UNC13C: variants seen among roughly 807,000 people sequenced by gnomAD.
UNC13C encodes the protein protein unc-13 homolog C.
Under a neutral mutation model 245.4 loss-of-function variants are expected in UNC13C, and 174 were observed. That is an observed-to-expected ratio of 0.71 (90% CI 0.63 to 0.80). The LOEUF is 0.80. UNC13C is among the 30% of genes least tolerant of loss of function. The pLI is 0.00. For synonymous variants in UNC13C, 992 were observed against 895.1 expected (o/e 1.11, Z -1.93); for missense variants, 2,829 against 2,602.9 (o/e 1.09, Z -1.89).
the UNC13C span, among the ~76,000 whole-genome samples, chr15:53,937,340 G>A: frequency 1.3e-5 from 2 of 151,994 alleles, no homozygotes; most frequent in African/African-American, 4.8e-5. Context: ...AGAGAAAAAA[G>A]AATTAAAAGG....
intron 2 of UNC13C, among the ~76,000 whole-genome samples, chr15:54,052,397 A>G (rs546920100): frequency 8.7e-5 from 13 of 149,456 alleles, no homozygotes; most frequent in African/African-American, 2.5e-4. Flanking sequence ...AAGTGTTCCT[A>G]TTTCTCCACA....
chr15:54,462,612 A>G (rs1891910712), intron 19 of UNC13C, among the ~76,000 whole-genome samples: 2 of 152,198 alleles, frequency 1.3e-5, no homozygotes, highest in South Asian at 4.1e-4. Context: ...GCAGCTGCGG[A>G]GGGGGCGCCG....
chr15:54,004,370 T>A (rs1895043540), intron 1 of UNC13C, among the ~76,000 whole-genome samples: 1 of 152,224 alleles, frequency 6.6e-6, no homozygotes. Flanking sequence ...AATAGTACTT[T>A]ATTATGTATA....
chr15:54,140,020 T>C (rs2031937977), intron 2 of UNC13C, among the ~76,000 whole-genome samples: 1 of 152,174 alleles, frequency 6.6e-6, no homozygotes. Context: ...AATTATATTT[T>C]GTGTTTCACT....
intron 2 of UNC13C, among the ~76,000 whole-genome samples, chr15:54,131,236 G>A (rs1243747433): frequency 6.6e-6 from 1 of 152,130 alleles, no homozygotes; most frequent in Non-Finnish European, 1.5e-5. Flanking sequence ...CTTCCATGTG[G>A]TATCTTATTT....
At chr15:53,899,943 C>G in the UNC13C span, among the ~76,000 whole-genome samples, 1 of 152,174 alleles carries the variant, frequency 6.6e-6, no homozygotes, top group South Asian at 2.1e-4. Flanking sequence ...ATCTCCCCAA[C>G]AGATAACTAC....
intron 17 of UNC13C, among the ~76,000 whole-genome samples, chr15:54,361,526 T>C (rs2140864659): frequency 6.6e-6 from 1 of 152,352 alleles, no homozygotes; most frequent in African/African-American, 2.4e-5. Flanking sequence ...CTTTGTTGTT[T>C]TCCTTTGGTG....
At chr15:54,392,994 T>C (rs1230732615) in intron 17 of UNC13C, 54 bp from the exon 18 acceptor site, 2 of 1,468,844 alleles carry the variant, frequency 1.4e-6, no homozygotes, top group Non-Finnish European at 1.8e-6. Flanking sequence ...GACATCTAAC[T>C]AAAGTCATCC....
At chr15:54,545,989 T>C (rs923867230) in intron 26 of UNC13C, among the ~76,000 whole-genome samples, 2 of 152,204 alleles carry the variant, frequency 1.3e-5, no homozygotes, top group Non-Finnish European at 2.9e-5. Context: ...CAAAGGATTA[T>C]AAATCATTCT....
chr15:54,102,975 C>T (rs1051780258), intron 2 of UNC13C, among the ~76,000 whole-genome samples: 4 of 152,100 alleles, frequency 2.6e-5, no homozygotes, highest in Admixed American at 2.0e-4. Flanking sequence ...TGGTGGCTGT[C>T]GTAGGTTAAT....
rs112249079 is a variant in UNC13C, at chr15:54,335,976, C to G, written c.4584+2120C>G. Among the ~76,000 whole-genome samples the G allele has an allele frequency of 5.8e-3, 876 of 152,018 alleles. 4 individuals are homozygous for G. Among genetic ancestry groups the G allele is most frequent in the African/African-American group, 0.02 (836 of 41,492 alleles). On this transcript the variant is annotated intron_variant, in intron 16 of 32. Transcript: ENST00000260323. The stretch of plus-strand genomic sequence containing the variant: ...TGTATGTATGTATATATTTCTTATT[C>G]TAGTAGAAGTGACGTTGCATTATCT...
intron 4 of UNC13C, among the ~76,000 whole-genome samples, chr15:54,180,336 C>T (rs2033756584): frequency 6.6e-6 from 1 of 151,996 alleles, no homozygotes; most frequent in Admixed American, 6.6e-5. Context: ...GACATGATTT[C>T]ATTCTTTTTC....
At chr15:54,293,251 A>G (rs2037347916) in intron 10 of UNC13C, among the ~76,000 whole-genome samples, 1 of 151,946 alleles carries the variant, frequency 6.6e-6, no homozygotes, top group African/African-American at 2.4e-5. Flanking sequence ...GTGTATACAA[A>G]AACCACAGTG....
intron 24 of UNC13C, among the ~76,000 whole-genome samples, chr15:54,518,713 T>C (rs115179151): frequency 0.01 from 1,550 of 152,202 alleles, 32 homozygotes; most frequent in African/African-American, 0.036. Context: ...CACTTGATGG[T>C]CAACAGGTCC....
chr15:53,955,709 A>G, the UNC13C span: 1 of 152,230 alleles, frequency 6.6e-6, no homozygotes, highest in Admixed American at 6.5e-5. Context: ...ATTGGTTTTA[A>G]AAATCTGGAG....
chr15:54,069,384 A>C (rs1898216660), intron 2 of UNC13C, among the ~76,000 whole-genome samples: 1 of 152,154 alleles, frequency 6.6e-6, no homozygotes, highest in African/African-American at 2.4e-5. Context: ...CAGGCAGCCT[A>C]TAAGGATAGA....
At chr15:54,140,728 A>C (rs549070194) in intron 2 of UNC13C, among the ~76,000 whole-genome samples, 114 of 152,332 alleles carry the variant, frequency 7.5e-4, no homozygotes, top group African/African-American at 2.7e-3. Context: ...ATTGTGACTG[A>C]AGTTTATGAT....
intron 2 of UNC13C, among the ~76,000 whole-genome samples, chr15:54,128,975 C>G (rs148834819): frequency 6.6e-6 from 1 of 152,186 alleles, no homozygotes; most frequent in African/African-American, 2.4e-5. Context: ...TCCTCTAACA[C>G]CATTCCAGTG....
intron 2 of UNC13C, among the ~76,000 whole-genome samples, chr15:54,055,619 A>C (rs1897476146): frequency 6.6e-6 from 1 of 152,200 alleles, no homozygotes; most frequent in South Asian, 2.1e-4. Context: ...GCATTTGGAA[A>C]GTGTTAAGCA....
Sources: gnomAD v4.1 joint callset for allele counts (sites outside exome capture counted in the v4.1 genomes callset) on GRCh38, gnomAD v4.1.1 for gene constraint, MANE v1.5 for transcripts, NCBI Gene and HGNC (gene_info 2026-07-23, HGNC 2026-07-21) for gene names.